ZFHX3: variants seen among roughly 807,000 people sequenced by gnomAD.
ZFHX3 encodes zinc finger homeobox protein 3.
ZFHX3 carries 42 observed loss-of-function variants against 279.1 expected under a neutral mutation model. The observed-to-expected ratio is 0.15, with a 90% CI of 0.12 to 0.19. ZFHX3 has a LOEUF of 0.19. Among genes scored for constraint, ZFHX3 ranks in the 10% least tolerant of loss-of-function variants. The probability of loss-of-function intolerance (pLI) is 1.00; values close to 1 mark genes in which losing one functional copy is unlikely to be tolerated. For synonymous variants in ZFHX3, 2,293 were observed against 1,957.8 expected, an observed-to-expected ratio of 1.17 and a Z score of -4.52; for missense variants, 4,981 against 4,754.0, an observed-to-expected ratio of 1.05 and a Z score of -1.40.
intron 2 of ZFHX3, among the ~76,000 whole-genome samples, chr16:73,613,636 G>A (rs142051122): frequency 6.6e-5 from 10 of 152,214 alleles, no homozygotes; most frequent in Admixed American, 2.6e-4. Context: ...TGAGACTTTG[G>A]TCCTCCCTAA....
At chr16:73,328,383 C>T (rs2015734323) in intron 3 of ZFHX3, among the ~76,000 whole-genome samples, 1 of 152,152 alleles carries the variant, frequency 6.6e-6, no homozygotes, top group Non-Finnish European at 1.5e-5. Flanking sequence ...CACTGCTTGA[C>T]CAGATTGCAT....
rs984417627 is a variant in ZFHX3, at chr16:73,435,285, T to G, written c.-1291+20718A>C. On this transcript the variant is annotated intron_variant, in intron 3 of 17. Coordinates refer to the ZFHX3 transcript ENST00000641206. The stretch of plus-strand genomic sequence containing the variant: ...GTGCAGTGATGCGATCTCGGCTCAC[T>G]GCAACCTCCACCTCCCGGGTTCAAG... Among the ~76,000 whole-genome samples the G allele has an allele frequency of 4.6e-5, 7 of 152,236 alleles. No homozygotes were observed. In the East Asian group the frequency reaches 1.2e-3, roughly 25 times the overall value.
chr16:72,986,042 A>AC (rs1343321096), intron 1 of ZFHX3, among the ~76,000 whole-genome samples: 2 of 147,824 alleles, frequency 1.4e-5, no homozygotes, highest in South Asian at 4.4e-4. Context: ...ATTTTTAACC[A>AC]CCCCCCACCC....
At chr16:73,526,731 T>C (rs1251102648) in intron 2 of ZFHX3, among the ~76,000 whole-genome samples, 1 of 152,182 alleles carries the variant, frequency 6.6e-6, no homozygotes, top group Non-Finnish European at 1.5e-5. Context: ...TTCCAGTGTT[T>C]TAAGCCCAGT....
intron 2 of ZFHX3, among the ~76,000 whole-genome samples, chr16:73,601,545 A>G (rs1158935531): frequency 2.0e-5 from 3 of 151,948 alleles, no homozygotes; most frequent in East Asian, 1.9e-4. Flanking sequence ...TTTTTCTTCA[A>G]TTAAAACTCA....
chr16:73,614,446 TCC>T (rs1379154787), intron 2 of ZFHX3, among the ~76,000 whole-genome samples: 1 of 152,188 alleles, frequency 6.6e-6, no homozygotes, highest in Non-Finnish European at 1.5e-5. Context: ...TACCATTTGG[TCC>T]CCTTTTTTCT....
intron 4 of ZFHX3, among the ~76,000 whole-genome samples, chr16:72,834,431 C>T (rs910998830): frequency 6.6e-6 from 1 of 152,222 alleles, no homozygotes; most frequent in Admixed American, 6.5e-5. Flanking sequence ...AAGGGGAAAG[C>T]TTCCTAGGAC....
Position 72,796,035 on chromosome 16 carries a change from A to T in ZFHX3, c.6647T>A (p.Ile2216Asn). Reference sequence around the variant, plus strand: ...AATCTTGAGCTCCTCCAGGCTGGTGATAGGAGGATTACTGAAGTTGTAAGG... The same window carrying T: ...AATCTTGAGCTCCTCCAGGCTGGTGTTAGGAGGATTACTGAAGTTGTAAGG... ...DSPYNFSNPPITSLEELKIDS... is the reference protein window; with the variant it reads ...DSPYNFSNPPNTSLEELKIDS... Residue 2216 changes from isoleucine to asparagine, a missense_variant, in exon 9 of 10, where the codon ATC becomes AAC. Transcript: ENST00000268489. The T allele has an allele frequency of 6.2e-7, 1 of 1,614,090 alleles. No individual in the cohort carries two copies. Among genetic ancestry groups the T allele is most frequent in the African/African-American group, 1.3e-5 (1 of 75,002 alleles).
chr16:73,835,035 G>A (rs553470120), intron 1 of ZFHX3, among the ~76,000 whole-genome samples: 84 of 152,288 alleles, frequency 5.5e-4, no homozygotes, highest in African/African-American at 1.9e-3. Context: ...GGTGGCCCTC[G>A]GAAGTGACTG....
intron 2 of ZFHX3, among the ~76,000 whole-genome samples, chr16:73,472,653 A>G (rs1337452155): frequency 1.3e-5 from 2 of 152,154 alleles, no homozygotes; most frequent in Non-Finnish European, 2.9e-5. Flanking sequence ...TCCAGACTGC[A>G]TCACCTAGAT....
At chr16:73,721,191 G>A (rs1052591332) in intron 1 of ZFHX3, among the ~76,000 whole-genome samples, 3 of 151,646 alleles carry the variant, frequency 2.0e-5, no homozygotes, top group African/African-American at 7.3e-5. Context: ...GCGGGATCTC[G>A]GCTCACTGCA....
chr16:73,804,976 G>A (rs1019243728), intron 1 of ZFHX3, among the ~76,000 whole-genome samples: 2 of 147,874 alleles, frequency 1.4e-5, no homozygotes, highest in Admixed American at 6.7e-5. Context: ...GGGAGGGAGA[G>A]AGAGAGAGAC....
At chr16:73,216,933 G>T (rs1406456880) in intron 5 of ZFHX3, among the ~76,000 whole-genome samples, 2 of 152,150 alleles carry the variant, frequency 1.3e-5, no homozygotes, top group Admixed American at 1.3e-4. Flanking sequence ...ATCCCTGAAG[G>T]TCGTAAAGAC....
At chr16:73,403,314 T>G (rs2017294907) in intron 3 of ZFHX3, among the ~76,000 whole-genome samples, 1 of 152,198 alleles carries the variant, frequency 6.6e-6, no homozygotes, top group South Asian at 2.1e-4. Context: ...AAATTGTTAG[T>G]AACCAAGACT....
chr16:73,713,895 G>C (rs904361287), intron 1 of ZFHX3, among the ~76,000 whole-genome samples: 1 of 152,118 alleles, frequency 6.6e-6, no homozygotes, highest in African/African-American at 2.4e-5. Flanking sequence ...TTCCCAATCT[G>C]TCAATGCGAG....
chr16:73,864,009 T>A (rs1961949999), intron 1 of ZFHX3, among the ~76,000 whole-genome samples: 1 of 152,184 alleles, frequency 6.6e-6, no homozygotes, highest in African/African-American at 2.4e-5. Context: ...CAGCTTCAAG[T>A]CACAAAGCCA....
intron 1 of ZFHX3, among the ~76,000 whole-genome samples, chr16:73,849,432 A>C (rs1293732570): frequency 1.3e-5 from 2 of 152,204 alleles, no homozygotes; most frequent in East Asian, 3.8e-4. Flanking sequence ...CCCGCTTTGC[A>C]TACTGGAAGG....
intron 2 of ZFHX3, among the ~76,000 whole-genome samples, chr16:73,653,279 C>G (rs2052689148): frequency 6.6e-6 from 1 of 152,200 alleles, no homozygotes; most frequent in Non-Finnish European, 1.5e-5. Flanking sequence ...AGCAACTACA[C>G]AACAGATTTC....
At chr16:73,252,025 G>A (rs923083157) in intron 5 of ZFHX3, among the ~76,000 whole-genome samples, 2 of 151,826 alleles carry the variant, frequency 1.3e-5, no homozygotes, top group Non-Finnish European at 2.9e-5. Context: ...ATGTCTTTGG[G>A]GGTCAGTGAG....
Sources: allele counts gnomAD v4.1 joint callset (sites outside exome capture counted in the v4.1 genomes callset), GRCh38; gene constraint gnomAD v4.1.1; transcripts MANE v1.5; gene names NCBI Gene and HGNC (gene_info 2026-07-23, HGNC 2026-07-21).